Variants in CTNNA3 observed in about 807,000 individuals in gnomAD.
The protein encoded by CTNNA3 is catenin alpha-3.
Under a neutral mutation model 95.7 loss-of-function variants are expected in CTNNA3, and 76 were observed. The observed-to-expected ratio is 0.79, with a 90% CI of 0.66 to 0.96. The LOEUF (loss-of-function observed/expected upper bound fraction) is 0.96. Ranked by LOEUF, CTNNA3 falls within the 40% of genes least tolerant of loss-of-function variation. CTNNA3 has a pLI of 0.00. For synonymous variants in CTNNA3, 431 were observed against 374.4 expected (o/e 1.15, Z -1.74); for missense variants, 1,191 against 1,089.8 (o/e 1.09, Z -1.31).
intron 7 of CTNNA3, among the ~76,000 whole-genome samples, chr10:66,841,851 C>T (rs1843075813): frequency 6.6e-6 from 1 of 151,998 alleles, no homozygotes; most frequent in Non-Finnish European, 1.5e-5. Context: ...CTAACAACTG[C>T]CATAAAATGG....
Position 66,168,261 on chromosome 10 carries a change from GATA to G in CTNNA3, c.1885-65015_1885-65013del, listed in dbSNP as rs963026220. Among the ~76,000 whole-genome samples, 4 of 152,248 alleles carry G rather than the reference GATA, an allele frequency of 2.6e-5. No homozygotes were observed. In the East Asian group the frequency reaches 7.7e-4, roughly 29 times the overall value. ...CATATTGTGAAGTGACATCCTGAAA[GATA>G]ATGAGAGCCACAGCTATAGGCAGGC... On this transcript the variant is annotated intron_variant, in intron 13 of 17. Coordinates refer to ENST00000433211, the MANE Select transcript of CTNNA3 (RefSeq NM_013266.4).
intron 7 of CTNNA3, among the ~76,000 whole-genome samples, chr10:66,793,099 T>C (rs1471148533): frequency 6.6e-6 from 1 of 152,138 alleles, no homozygotes; most frequent in East Asian, 1.9e-4. Flanking sequence ...CCAATGGTAA[T>C]CCACAGGTGT....
intron 5 of CTNNA3, among the ~76,000 whole-genome samples, chr10:67,349,321 G>A (rs951303445): frequency 6.6e-6 from 1 of 151,762 alleles, no homozygotes; most frequent in Admixed American, 6.6e-5. Context: ...ATCAACAAAT[G>A]AATGAATAAA....
chr10:66,352,632 T>A (rs2092575536), intron 12 of CTNNA3, among the ~76,000 whole-genome samples: 1 of 152,062 alleles, frequency 6.6e-6, no homozygotes. Flanking sequence ...CCAATAATCC[T>A]ATCATGAAAT....
intron 12 of CTNNA3, among the ~76,000 whole-genome samples, chr10:66,361,407 C>T (rs2092674038): frequency 6.9e-6 from 1 of 145,740 alleles, no homozygotes; most frequent in Admixed American, 7.0e-5. Flanking sequence ...CCTTCCACTT[C>T]CACTTCCCTT....
At chr10:66,620,856 CAGGAG>C (rs1844720477) in intron 10 of CTNNA3, among the ~76,000 whole-genome samples, 1 of 152,136 alleles carries the variant, frequency 6.6e-6, no homozygotes, top group African/African-American at 2.4e-5. Flanking sequence ...CTGAGAATCT[CAGGAG>C]ACGTCCAGAG....
intron 9 of CTNNA3, among the ~76,000 whole-genome samples, chr10:66,730,396 A>G (rs1275693785): frequency 6.6e-6 from 1 of 152,178 alleles, no homozygotes; most frequent in Non-Finnish European, 1.5e-5. Flanking sequence ...TGGGAGCTGA[A>G]TGATGAGAAC....
chr10:67,531,643 C>A (rs1185751003), intron 4 of CTNNA3, among the ~76,000 whole-genome samples: 2 of 152,058 alleles, frequency 1.3e-5, no homozygotes, highest in Non-Finnish European at 2.9e-5. Flanking sequence ...GAACTGTGGA[C>A]TTTTGAGTTA....
At chr10:67,386,952 T>C (rs1286081836) in intron 5 of CTNNA3, among the ~76,000 whole-genome samples, 1 of 152,162 alleles carries the variant, frequency 6.6e-6, no homozygotes, top group Non-Finnish European at 1.5e-5. Flanking sequence ...AGTTAAGTAT[T>C]TGTTAAGACC....
intron 7 of CTNNA3, among the ~76,000 whole-genome samples, chr10:67,006,700 C>T (rs1027735108): frequency 6.6e-6 from 1 of 152,150 alleles, no homozygotes; most frequent in Non-Finnish European, 1.5e-5. Context: ...AAGATGTAAA[C>T]ATTTTAATGG....
intron 4 of CTNNA3, among the ~76,000 whole-genome samples, chr10:67,527,406 C>T (rs1840179286): frequency 6.6e-6 from 1 of 152,152 alleles, no homozygotes; most frequent in African/African-American, 2.4e-5. Flanking sequence ...CATCAATTTG[C>T]AAGGAAAAAA....
intron 9 of CTNNA3, among the ~76,000 whole-genome samples, chr10:66,765,750 G>C (rs1839821550): frequency 1.3e-5 from 2 of 152,224 alleles, no homozygotes; most frequent in South Asian, 4.1e-4. Flanking sequence ...TTTCCAAGCA[G>C]AGGGAATAAT....
intron 7 of CTNNA3, among the ~76,000 whole-genome samples, chr10:67,121,663 A>T (rs1210556102): frequency 6.6e-6 from 1 of 151,868 alleles, no homozygotes; most frequent in Non-Finnish European, 1.5e-5. Context: ...ATCATTCACA[A>T]CCTCAAGTGT....
intron 7 of CTNNA3, among the ~76,000 whole-genome samples, chr10:67,094,060 A>T (rs926665271): frequency 1.3e-5 from 2 of 151,924 alleles, no homozygotes; most frequent in African/African-American, 4.8e-5. Context: ...CTAATACCCT[A>T]AGCTGAGAAA....
intron 11 of CTNNA3, among the ~76,000 whole-genome samples, chr10:66,499,520 G>T (rs796732627): frequency 1.3e-5 from 2 of 152,080 alleles, no homozygotes; most frequent in African/African-American, 4.8e-5. Flanking sequence ...TTGACACAGG[G>T]TCTCCCTATG....
At chr10:67,558,534 C>T (rs1001340814) in intron 3 of CTNNA3, among the ~76,000 whole-genome samples, 12 of 152,218 alleles carry the variant, frequency 7.9e-5, no homozygotes, top group African/African-American at 1.4e-4. Flanking sequence ...GGAACAGCGC[C>T]GGTCTACAGC....
At chr10:66,747,713 A>G (rs1395871386) in intron 9 of CTNNA3, among the ~76,000 whole-genome samples, 2 of 152,140 alleles carry the variant, frequency 1.3e-5, no homozygotes, top group African/African-American at 4.8e-5. Context: ...CTCCAAAAGC[A>G]GAGTCACCTG....
intron 5 of CTNNA3, among the ~76,000 whole-genome samples, chr10:67,471,676 A>C (rs1847835448): frequency 6.6e-6 from 1 of 152,222 alleles, no homozygotes; most frequent in Non-Finnish European, 1.5e-5. Context: ...AGAGGGGCAA[A>C]GTGAAAGTTA....
intron 7 of CTNNA3, among the ~76,000 whole-genome samples, chr10:67,028,560 T>C (rs761322569): frequency 6.6e-6 from 1 of 150,926 alleles, no homozygotes; most frequent in African/African-American, 2.4e-5. Flanking sequence ...GAAAATAGAA[T>C]GTAGTTATGT....
Sources: gnomAD v4.1 joint callset for allele counts (sites outside exome capture counted in the v4.1 genomes callset) on GRCh38, gnomAD v4.1.1 for gene constraint, MANE v1.5 for transcripts, NCBI Gene and HGNC (gene_info 2026-07-23, HGNC 2026-07-21) for gene names.